RAP1A: variants seen among roughly 807,000 people sequenced by gnomAD.
RAP1A encodes the protein RAP1A, member of RAS oncogene family, also known as ras-related protein Rap-1A.
RAP1A carries 6 observed loss-of-function variants against 26.4 expected under a neutral mutation model. The ratio of observed to expected loss-of-function variants is 0.23; its 90% confidence interval spans 0.12 to 0.45. RAP1A has a LOEUF of 0.45. RAP1A is among the 20% of genes least tolerant of loss of function. The pLI is 0.99. For synonymous variants in RAP1A, 73 were observed against 79.4 expected, an observed-to-expected ratio of 0.92 and a Z score of 0.43; for missense variants, 121 against 217.2, an observed-to-expected ratio of 0.56 and a Z score of 2.78.
intron 1 of RAP1A, among the ~76,000 whole-genome samples, chr1:111,561,445 G>A (rs1657732793): frequency 6.6e-6 from 1 of 152,156 alleles, no homozygotes; most frequent in Admixed American, 6.5e-5. Context: ...TTAGATGGAG[G>A]ATCTGGTGGC....
chr1:111,574,348 T>C (rs1658106991), intron 1 of RAP1A, among the ~76,000 whole-genome samples: 1 of 152,214 alleles, frequency 6.6e-6, no homozygotes, highest in Non-Finnish European at 1.5e-5. Flanking sequence ...CATGCTGTTT[T>C]TGTTACTCTA....
chr1:111,672,967 G>A (rs1036684322), intron 1 of RAP1A, among the ~76,000 whole-genome samples: 3 of 152,086 alleles, frequency 2.0e-5, no homozygotes, highest in Non-Finnish European at 4.4e-5. Context: ...TTTGGGTCTG[G>A]TGTTCTTTCT....
At chr1:111,664,373 CAAAAAAA>C (rs57610280) in intron 1 of RAP1A, among the ~76,000 whole-genome samples, 12 of 89,870 alleles carry the variant, frequency 1.3e-4, no homozygotes, top group Non-Finnish European at 1.7e-4. Flanking sequence ...GACTCCGTCT[CAAAAAAA>C]AAAAAAAAAA....
chr1:111,591,042 T>C (rs1658462955), intron 1 of RAP1A, among the ~76,000 whole-genome samples: 1 of 152,232 alleles, frequency 6.6e-6, no homozygotes, highest in Non-Finnish European at 1.5e-5. Context: ...TAGGTAGATT[T>C]TAAACTACCA....
At chr1:111,603,552 G>A (rs1003336502) in intron 1 of RAP1A, among the ~76,000 whole-genome samples, 19 of 152,126 alleles carry the variant, frequency 1.2e-4, no homozygotes, top group African/African-American at 4.3e-4. Flanking sequence ...CTTGTAAATT[G>A]AACTTTCATT....
intron 1 of RAP1A, among the ~76,000 whole-genome samples, chr1:111,547,778 G>A (rs1208675456): frequency 1.3e-5 from 2 of 152,186 alleles, no homozygotes; most frequent in African/African-American, 4.8e-5. Context: ...TTGATGAGAG[G>A]AATAAGCAGG....
chr1:111,701,971 T>C (rs566820173), intron 4 of RAP1A, among the ~76,000 whole-genome samples: 1 of 152,180 alleles, frequency 6.6e-6, no homozygotes, highest in Non-Finnish European at 1.5e-5. Flanking sequence ...GGCAGCAGTA[T>C]AGGAAGCTCA....
rs764440403 is a variant in RAP1A, at chr1:111,709,124, T to TA, written c.469-24dup. On this transcript the variant is annotated intron_variant, in intron 6 of 7. Coordinates refer to ENST00000369709, the MANE Select transcript of RAP1A (RefSeq NM_002884.4). ...AAGTCTCAAAAACTGGTGGAGTAAG[T>TA]ACTTTTTTTCTTGTTTTTACTTAGA... 5.6e-6 allele frequency: 9 copies of TA among 1,599,878 alleles called. No individual in the cohort carries two copies. The African/African-American group carries it at 1.2e-4, about 22-fold the overall frequency.
intron 1 of RAP1A, among the ~76,000 whole-genome samples, chr1:111,664,712 G>T (rs1660750112): frequency 6.6e-6 from 1 of 152,170 alleles, no homozygotes; most frequent in Admixed American, 6.5e-5. Context: ...GTACATGAAT[G>T]AATACAGGCA....
chr1:111,645,324 A>C (rs1349857561), intron 1 of RAP1A, among the ~76,000 whole-genome samples: 1 of 152,202 alleles, frequency 6.6e-6, no homozygotes, highest in East Asian at 1.9e-4. Context: ...GACTTTAGGA[A>C]AAAAGATCAT....
chr1:111,544,125 CTAACT>C (rs1656951129), intron 1 of RAP1A, among the ~76,000 whole-genome samples: 2 of 152,274 alleles, frequency 1.3e-5, no homozygotes, highest in Admixed American at 1.3e-4. Flanking sequence ...CCTTTTCAAA[CTAACT>C]TATCTCTGTT....
At chr1:111,603,054 G>A (rs536784510) in intron 1 of RAP1A, among the ~76,000 whole-genome samples, 30 of 152,274 alleles carry the variant, frequency 2.0e-4, no homozygotes, top group Non-Finnish European at 3.8e-4. Flanking sequence ...CAAACTCACT[G>A]AGGCTTCACC....
chr1:111,666,565 A>G (rs991583865), intron 1 of RAP1A, among the ~76,000 whole-genome samples: 3 of 152,194 alleles, frequency 2.0e-5, no homozygotes, highest in African/African-American at 4.8e-5. Context: ...TTTAACACTA[A>G]TTCTGAGATT....
intron 1 of RAP1A, among the ~76,000 whole-genome samples, chr1:111,658,379 C>G (rs1396320228): frequency 1.3e-5 from 2 of 152,094 alleles, no homozygotes; most frequent in Non-Finnish European, 1.5e-5. Context: ...GTAAATCATT[C>G]AATTCAACCT....
chr1:111,647,689 C>T (rs1660114666), intron 1 of RAP1A, among the ~76,000 whole-genome samples: 1 of 150,868 alleles, frequency 6.6e-6, no homozygotes, highest in South Asian at 2.1e-4. Flanking sequence ...TGTAAGGTTT[C>T]TTAGAATTAG....
At chr1:111,671,558 T>A (rs1014477467) in intron 1 of RAP1A, among the ~76,000 whole-genome samples, 1 of 152,184 alleles carries the variant, frequency 6.6e-6, no homozygotes, top group Admixed American at 6.5e-5. Flanking sequence ...CACTGCAACC[T>A]CCGCCTCCCT....
At chr1:111,702,888 G>A (rs1367821481) in intron 4 of RAP1A, among the ~76,000 whole-genome samples, 11 of 152,100 alleles carry the variant, frequency 7.2e-5, no homozygotes, top group African/African-American at 2.2e-4. Context: ...AGAGTTTATT[G>A]ACTGTCAAGA....
intron 1 of RAP1A, among the ~76,000 whole-genome samples, chr1:111,655,243 GAAAA>G (rs372916125): frequency 4.2e-5 from 4 of 96,142 alleles, no homozygotes; most frequent in Admixed American, 2.3e-4. Context: ...TGAAAAAAAA[GAAAA>G]AAAAACAATG....
intron 1 of RAP1A, chr1:111,602,481 C>G (rs1284448670): frequency 2.0e-5 from 3 of 152,216 alleles, no homozygotes; most frequent in Admixed American, 1.3e-4. Flanking sequence ...TTCTCTTCCT[C>G]TTTCCCCTTT....
Sources: gnomAD v4.1 joint callset for allele counts (sites outside exome capture counted in the v4.1 genomes callset) on GRCh38, gnomAD v4.1.1 for gene constraint, MANE v1.5 for transcripts, NCBI Gene and HGNC (gene_info 2026-07-23, HGNC 2026-07-21) for gene names.